The following ITIH2 variants were observed in gnomAD, a reference collection of about 807,000 sequenced individuals.
ITIH2 encodes the protein inter-alpha-trypsin inhibitor heavy chain 2.
Under a neutral mutation model 104.4 loss-of-function variants are expected in ITIH2, and 103 were observed. The observed-to-expected ratio is 0.99, with a 90% CI of 0.84 to 1.16. The LOEUF (loss-of-function observed/expected upper bound fraction) is 1.16. ITIH2 is among the 50% of genes most tolerant of loss of function. The probability of loss-of-function intolerance (pLI) is 0.00; values close to 1 mark genes in which losing one functional copy is unlikely to be tolerated. For synonymous variants in ITIH2, 436 were observed against 435.4 expected (o/e 1.00, Z -0.02); for missense variants, 1,108 against 1,162.4 (o/e 0.95, Z 0.68).
chr10:7,733,050 C>T (rs1027547027), intron 14 of ITIH2, among the ~76,000 whole-genome samples: 2 of 151,316 alleles, frequency 1.3e-5, no homozygotes, highest in Non-Finnish European at 2.9e-5. Context: ...TTTAAGTGCA[C>T]CATTCAATGG....
At chr10:7,746,544 T>TA in intron 19 of ITIH2, 49 bp from the exon 20 acceptor site, 1 of 1,287,374 alleles carries the variant, frequency 7.8e-7, no homozygotes, top group Non-Finnish European at 1.1e-6. Context: ...AGCCTCTTTT[T>TA]ATTTAACTAT....
In ITIH2 at chr10:7,716,370, C is replaced by G. The variant is rs1834849682; in HGVS notation, c.468-1256C>G. On this transcript the variant is annotated intron_variant, in intron 5 of 20. Transcript: ENST00000358415. ...ATAATTCTGCTGTTTTCTCTTTAAACCATAAACACCTCAAGATCAATGATC... is the reference window on the plus strand; with the variant it reads ...ATAATTCTGCTGTTTTCTCTTTAAAGCATAAACACCTCAAGATCAATGATC... 2.0e-5 allele frequency among the ~76,000 whole-genome samples: 3 copies of G among 152,166 alleles called. No homozygotes were observed. In the South Asian group the frequency reaches 6.2e-4, roughly 31 times the overall value.
chr10:7,715,792 A>C (rs1834843526), intron 5 of ITIH2, among the ~76,000 whole-genome samples: 1 of 152,198 alleles, frequency 6.6e-6, no homozygotes, highest in African/African-American at 2.4e-5. Context: ...GATAGAGTGA[A>C]GTGCAGTGGC....
intron 4 of ITIH2, among the ~76,000 whole-genome samples, chr10:7,711,416 A>G (rs1021794872): frequency 1.9e-4 from 29 of 152,332 alleles, no homozygotes; most frequent in African/African-American, 6.7e-4. Context: ...TGAATCTATA[A>G]GACCAGAGAA....
At chr10:7,726,055 T>A (rs543537239) in intron 9 of ITIH2, among the ~76,000 whole-genome samples, 5 of 152,132 alleles carry the variant, frequency 3.3e-5, no homozygotes, top group Non-Finnish European at 7.4e-5. Context: ...ACCTTTGGAT[T>A]TAGTGACATT....
intron 16 of ITIH2, among the ~76,000 whole-genome samples, chr10:7,742,275 G>T (rs949985191): frequency 4.0e-5 from 6 of 151,874 alleles, no homozygotes; most frequent in African/African-American, 1.5e-4. Context: ...AGCGGGAGGG[G>T]AGGGGAAGCA....
chr10:7,734,876 C>A, intron 14 of ITIH2, 46 bp from the exon 15 acceptor site: 1 of 1,538,936 alleles, frequency 6.5e-7, no homozygotes, highest in Non-Finnish European at 8.8e-7. Context: ...TGCGCTCCCC[C>A]TCCAATGCAG....
At chr10:7,733,719 A>T (rs1230595554) in intron 14 of ITIH2, among the ~76,000 whole-genome samples, 5 of 152,166 alleles carry the variant, frequency 3.3e-5, no homozygotes, top group Non-Finnish European at 7.3e-5. Flanking sequence ...CACCTGCATC[A>T]AAATTACACA....
chr10:7,737,193 G>A (rs148649644), intron 15 of ITIH2, among the ~76,000 whole-genome samples: 3 of 151,120 alleles, frequency 2.0e-5, no homozygotes, highest in Admixed American at 6.7e-5. Flanking sequence ...CTTTAGGAAC[G>A]AGTCTGTGTC....
intron 20 of ITIH2, among the ~76,000 whole-genome samples, chr10:7,747,371 CTTAA>C (rs1280450985): frequency 6.6e-6 from 1 of 152,142 alleles, no homozygotes; most frequent in Non-Finnish European, 1.5e-5. Context: ...CTTTGACATA[CTTAA>C]TTAAACCATA....
rs531770695 is a variant in ITIH2 at position 7,737,609 on chromosome 10, A to T, written c.1958-1012A>T. On this transcript the variant is annotated intron_variant, in intron 15 of 20. Transcript: ENST00000358415. ...TTCTATATTATATTCTATATTCTAT[A>T]GAATATTCTATATTATATTCTATAT... 1.9e-3 allele frequency among the ~76,000 whole-genome samples: 232 copies of T among 122,864 alleles called. 7 individuals carry two copies. Among genetic ancestry groups the T allele is most frequent in the African/African-American group, 7.5e-3 (221 of 29,302 alleles). 80.6% of individuals were successfully genotyped at this position (122,864 alleles called of 152,430 possible). A position where few individuals can be genotyped will look rare whatever the true frequency, so the allele number is the denominator to read the frequency against.
intron 16 of ITIH2, among the ~76,000 whole-genome samples, chr10:7,742,376 A>G (rs1440285963): frequency 6.6e-6 from 1 of 152,136 alleles, no homozygotes; most frequent in Admixed American, 6.6e-5. Flanking sequence ...GAATTGAATC[A>G]TATTAATCTG....
chr10:7,723,322 G>A, intron 8 of ITIH2, 129 bp from the exon 9 acceptor site: 1 of 706,508 alleles, frequency 1.4e-6, no homozygotes, highest in South Asian at 1.7e-5. Context: ...AAATGTGGAG[G>A]CAAATGCACA....
rs140246251 is a variant in ITIH2 at position 7,719,299 on chromosome 10, A to G, written c.630+1511A>G. On this transcript the variant is annotated intron_variant, in intron 6 of 20. Transcript: ENST00000358415. ...CCGTGCTTTTGCGTGAATTGAAAAAAGATGCCCGTCCTTCAGGCAAATGCA... is the reference window on the plus strand; with the variant it reads ...CCGTGCTTTTGCGTGAATTGAAAAAGGATGCCCGTCCTTCAGGCAAATGCA... Among the ~76,000 whole-genome samples, 683 of 152,344 alleles carry G rather than the reference A, an allele frequency of 4.5e-3. 7 individuals are homozygous for G. Among genetic ancestry groups the G allele is most frequent in the African/African-American group, 0.016 (663 of 41,576 alleles).
intron 5 of ITIH2, among the ~76,000 whole-genome samples, chr10:7,714,872 T>G (rs1834833420): frequency 1.3e-5 from 2 of 152,034 alleles, no homozygotes; most frequent in African/African-American, 4.8e-5. Flanking sequence ...TATTCATGGG[T>G]TTCACATTCT....
chr10:7,726,837 G>A (rs889399209), intron 9 of ITIH2, 113 bp from the exon 10 acceptor site: 7 of 924,034 alleles, frequency 7.6e-6, no homozygotes, highest in African/African-American at 3.4e-5. Context: ...TCTGGAAGAA[G>A]TTTAGCTTGA....
chr10:7,746,906 A>C (rs533164980), intron 20 of ITIH2, among the ~76,000 whole-genome samples: 1 of 99,220 alleles, frequency 1.0e-5, no homozygotes, highest in South Asian at 3.2e-4. Flanking sequence ...CTGGGTATCT[A>C]GGGTCATGCA....
chr10:7,729,978 A>C lies in ITIH2; in HGVS notation c.1306A>C (p.Lys436Gln). 5.0e-6 allele frequency: 8 copies of C among 1,605,496 alleles called. No homozygotes were observed. Among genetic ancestry groups the C allele is most frequent in the Non-Finnish European group, 6.8e-6 (8 of 1,177,032 alleles). The change falls in exon 12 of 21, where the codon AAA (lysine) becomes CAA (glutamine). Residue 436 changes from lysine (K) to glutamine (Q), a missense_variant. Lys to Gln is a moderately conservative substitution (Grantham distance 53). Coordinates refer to ENST00000358415, the MANE Select transcript of ITIH2 (RefSeq NM_002216.3). ...CGAACTAAAACTGTCAAAAATTCAG[A>C]AAAACGTTAAGGAGAACATCCAAGA... ...VGELKLSKIQ[K>Q]NVKENIQDNI...
At chr10:7,704,240 T>A (rs1283507466) in intron 1 of ITIH2, among the ~76,000 whole-genome samples, 7 of 152,218 alleles carry the variant, frequency 4.6e-5, no homozygotes, top group Non-Finnish European at 5.9e-5. Context: ...CTTATAATAC[T>A]TGCAGAGTGG....
Sources: gnomAD v4.1 joint callset for allele counts (sites outside exome capture counted in the v4.1 genomes callset) on GRCh38, gnomAD v4.1.1 for gene constraint, MANE v1.5 for transcripts, NCBI Gene and HGNC (gene_info 2026-07-23, HGNC 2026-07-21) for gene names.